NSUN6: variants seen among roughly 807,000 people sequenced by gnomAD.
The protein encoded by NSUN6 is tRNA (cytosine(72)-C(5))-methyltransferase NSUN6.
NSUN6 carries 64 observed loss-of-function variants against 58.0 expected under a neutral mutation model. That is an observed-to-expected ratio of 1.10 (90% CI 0.90 to 1.36). The LOEUF (loss-of-function observed/expected upper bound fraction) is 1.36, where lower values mean the gene tolerates loss of function less well. Ranked by LOEUF, NSUN6 falls within the 40% of genes most tolerant of loss-of-function variation. The pLI is 0.00. For synonymous variants in NSUN6, 231 were observed against 193.9 expected, an observed-to-expected ratio of 1.19 and a Z score of -1.59; for missense variants, 701 against 550.1, an observed-to-expected ratio of 1.27 and a Z score of -2.74.
intron 1 of NSUN6, 93 bp downstream of exon 1, chr10:18,651,036 C>G: frequency 6.7e-7 from 1 of 1,486,596 alleles, no homozygotes; most frequent in South Asian, 1.3e-5. Context: ...CGACGGCTGT[C>G]AAGATTTCCC....
At chr10:18,644,027 A>G (rs762183715) in intron 2 of NSUN6, among the ~76,000 whole-genome samples, 3 of 152,190 alleles carry the variant, frequency 2.0e-5, no homozygotes, top group Non-Finnish European at 4.4e-5. Flanking sequence ...CCTTATTGAG[A>G]TAATTTACAT....
intron 8 of NSUN6, among the ~76,000 whole-genome samples, chr10:18,571,392 T>C (rs1255529672): frequency 2.0e-5 from 3 of 151,496 alleles, no homozygotes; most frequent in South Asian, 4.2e-4. Flanking sequence ...TTCCATTCCA[T>C]TCTACATTCC....
chr10:18,624,052 CA>C (rs1325937856), intron 3 of NSUN6, among the ~76,000 whole-genome samples: 1 of 151,768 alleles, frequency 6.6e-6, no homozygotes, highest in Non-Finnish European at 1.5e-5. Flanking sequence ...ACACAAAAAG[CA>C]GAAGGTAGAT....
rs2054516233 is a variant in NSUN6 at position 18,550,199 on chromosome 10, G to A, written c.1071+1624C>T. 2.6e-5 allele frequency among the ~76,000 whole-genome samples: 4 copies of A among 152,308 alleles called. No individual in the cohort carries two copies. In the East Asian group the frequency reaches 5.8e-4, roughly 22 times the overall value. ...TGACCTAATAAGAACAGAAATCCAA[G>A]TCCTTTACAGAAGTATCCTAATTTT... On this transcript the variant is annotated intron_variant, in intron 9 of 10. Coordinates refer to ENST00000377304, the MANE Select transcript of NSUN6 (RefSeq NM_182543.5).
chr10:18,658,789 G>C (rs2059805744), upstream of NSUN6: 5 of 246,150 alleles, frequency 2.0e-5, no homozygotes, highest in Non-Finnish European at 3.2e-5. Flanking sequence ...GATCGCTTGA[G>C]CCCAGGAAAT....
At position 18,628,569 on chromosome 10, in the gene NSUN6, G is replaced by T. The variant is rs1255634369; in HGVS notation, c.312-12276C>A. Among the ~76,000 whole-genome samples, 7 of 152,008 alleles carry T rather than the reference G, an allele frequency of 4.6e-5. No individual in the cohort carries two copies. The South Asian group carries it at 6.2e-4, about 14-fold the overall frequency. On this transcript the variant is annotated intron_variant, in intron 3 of 10. Coordinates refer to ENST00000377304, the MANE Select transcript of NSUN6 (RefSeq NM_182543.5). ...ACAGAAAAGTGCTTAAAGGAGCTGAGGGAGCTGAAAACCAAGGCTCGAGAA... is the reference window on the plus strand; with the variant it reads ...ACAGAAAAGTGCTTAAAGGAGCTGATGGAGCTGAAAACCAAGGCTCGAGAA...
chr10:18,561,799 G>A lies in NSUN6; in HGVS notation c.923-9828C>T, dbSNP rs145110773. Reference sequence around the variant, plus strand: ...GGAGAACGGAATGGAGAATACAATGGAATGGAATGCAGTGGTGAATAGAAT... The same window carrying A: ...GGAGAACGGAATGGAGAATACAATGAAATGGAATGCAGTGGTGAATAGAAT... On this transcript the variant is annotated intron_variant, in intron 8 of 10. Coordinates refer to ENST00000377304, the MANE Select transcript of NSUN6 (RefSeq NM_182543.5). 6.1e-3 allele frequency among the ~76,000 whole-genome samples: 928 copies of A among 151,042 alleles called. 42 individuals carry two copies. Among genetic ancestry groups the A allele is most frequent in the African/African-American group, 0.022 (900 of 40,872 alleles).
At chr10:18,642,446 A>G in intron 3 of NSUN6, 30 bp downstream of exon 3, 1 of 1,068,256 alleles carries the variant, frequency 9.4e-7, no homozygotes, top group Non-Finnish European at 1.5e-6. Context: ...ATTGAGAATA[A>G]TATAATTTGG....
At chr10:18,614,426 G>A (rs1262119356) in intron 5 of NSUN6, 34 bp downstream of exon 5, 2 of 1,288,014 alleles carry the variant, frequency 1.6e-6, no homozygotes. Context: ...CCACAAAAAG[G>A]ATGCTGATTT....
chr10:18,647,725 GT>G (rs571301351), intron 2 of NSUN6, among the ~76,000 whole-genome samples: 68 of 100,076 alleles, frequency 6.8e-4, no homozygotes, highest in African/African-American at 1.9e-3. Flanking sequence ...TCAACACCTT[GT>G]TTTTTTTTTT....
upstream of NSUN6, chr10:18,653,135 T>A (rs2059737717): frequency 1.0e-6 from 1 of 985,130 alleles, no homozygotes; most frequent in Admixed American, 6.2e-5. Context: ...GAATCTGTAT[T>A]TTAGCGATAA....
At chr10:18,566,156 T>A (rs1231502492) in intron 8 of NSUN6, among the ~76,000 whole-genome samples, 1 of 151,810 alleles carries the variant, frequency 6.6e-6, no homozygotes, top group East Asian at 1.9e-4. Context: ...CATTCTCCAT[T>A]CCATTCCATT....
At chr10:18,580,315 C>G (rs1477860509) in intron 8 of NSUN6, among the ~76,000 whole-genome samples, 1 of 152,186 alleles carries the variant, frequency 6.6e-6, no homozygotes, top group Non-Finnish European at 1.5e-5. Flanking sequence ...CTTTCCACTT[C>G]TCCGAAGCTC....
chr10:18,567,264 TATTCCATTCTCCATTCC>T (rs1589884558), intron 8 of NSUN6, among the ~76,000 whole-genome samples: 1 of 150,442 alleles, frequency 6.6e-6, no homozygotes, highest in African/African-American at 2.4e-5. Context: ...TTCTCCATTC[TATTCCATTCTCCATTCC>T]ATTCCATTTT....
intron 6 of NSUN6, among the ~76,000 whole-genome samples, chr10:18,600,296 T>C (rs1293337894): frequency 6.6e-6 from 1 of 152,106 alleles, no homozygotes; most frequent in Non-Finnish European, 1.5e-5. Context: ...AATTATGTCC[T>C]CCTGTCCTGT....
At chr10:18,616,015 T>C (rs900296838) in intron 4 of NSUN6, among the ~76,000 whole-genome samples, 169 bp downstream of exon 4, 2 of 151,264 alleles carry the variant, frequency 1.3e-5, no homozygotes, top group Non-Finnish European at 2.9e-5. Flanking sequence ...CCTTATATGA[T>C]GACTAGTTTG....
intron 6 of NSUN6, among the ~76,000 whole-genome samples, chr10:18,605,529 G>A (rs900560820): frequency 6.6e-6 from 1 of 152,144 alleles, no homozygotes; most frequent in African/African-American, 2.4e-5. Context: ...ATTAGGAGCA[G>A]GATTTGAATG....
At chr10:18,616,364 A>T (rs1300711020) in intron 3 of NSUN6, 71 bp from the exon 4 acceptor site, 4 of 883,498 alleles carry the variant, frequency 4.5e-6, no homozygotes, top group Non-Finnish European at 7.5e-6. Flanking sequence ...CCCGTGTTCT[A>T]TCTGAACTCT....
At chr10:18,574,488 T>C (rs1436464539) in intron 8 of NSUN6, among the ~76,000 whole-genome samples, 2 of 152,110 alleles carry the variant, frequency 1.3e-5, no homozygotes, top group Non-Finnish European at 2.9e-5. Context: ...TGACCAGACC[T>C]AGAAGAAACT....
Sources: allele counts gnomAD v4.1 joint callset (sites outside exome capture counted in the v4.1 genomes callset), GRCh38; gene constraint gnomAD v4.1.1; transcripts MANE v1.5; gene names NCBI Gene and HGNC (gene_info 2026-07-23, HGNC 2026-07-21).